The following OR56A3 variants were observed in gnomAD, a reference collection of about 807,000 sequenced individuals.
The protein encoded by OR56A3 is olfactory receptor family 56 subfamily A member 3.
OR56A3 carries 23 observed loss-of-function variants against 17.5 expected under a neutral mutation model. That is an observed-to-expected ratio of 1.32 (90% CI 0.95 to 1.87). OR56A3 has a LOEUF of 1.87. OR56A3 is among the 40% of genes most tolerant of loss of function. The pLI, the probability that OR56A3 is intolerant of heterozygous loss-of-function variation, is 0.00. For synonymous variants in OR56A3, 175 were observed against 150.6 expected, an observed-to-expected ratio of 1.16 and a Z score of -1.19; for missense variants, 366 against 380.1, an observed-to-expected ratio of 0.96 and a Z score of 0.31.
rs147718506 is a variant in OR56A3, at chr11:5,950,342, G to A, written c.*2048G>A. 2.6e-4 allele frequency: 40 copies of A among 152,188 alleles called. 1 individual carries two copies. The highest frequency in any genetic ancestry group is 9.6e-4 in the African/African-American group (40 of 41,544). 9.4% of individuals were successfully genotyped at this position (152,188 alleles called of 1,614,324 possible). Reference sequence around the variant, plus strand: ...CTGAGATTAAGAAAATTTTCCATAAGTCTTGTCTTCCCAAAGAACATGGTA... The same window carrying A: ...CTGAGATTAAGAAAATTTTCCATAAATCTTGTCTTCCCAAAGAACATGGTA... On this transcript the variant is annotated 3_prime_UTR_variant, in exon 3 of 3. Transcript: ENST00000641160.
chr11:5,977,630 T>C, the OR56A3 span, among the ~76,000 whole-genome samples: 1 of 152,228 alleles, frequency 6.6e-6, no homozygotes. Context: ...GTCAGATGCA[T>C]AGTTTGCAAA....
At chr11:6,001,967 C>T in the OR56A3 span, 2 of 1,387,120 alleles carry the variant, frequency 1.4e-6, no homozygotes, top group East Asian at 4.7e-5. Context: ...GTGAAATTTC[C>T]TTTCCAACAT....
the OR56A3 span, chr11:5,986,883 C>T: frequency 6.2e-7 from 1 of 1,613,694 alleles, no homozygotes; most frequent in Non-Finnish European, 8.5e-7. Flanking sequence ...TGCTAAGGAG[C>T]ATTATCAATG....
intron 2 of OR56A3, among the ~76,000 whole-genome samples, chr11:5,946,188 A>G (rs1291126560): frequency 2.0e-5 from 3 of 152,212 alleles, no homozygotes; most frequent in Non-Finnish European, 4.4e-5. Flanking sequence ...CCCTATTTAT[A>G]ATGATATTTT....
At chr11:5,985,234 C>T in the OR56A3 span, among the ~76,000 whole-genome samples, 12 of 152,176 alleles carry the variant, frequency 7.9e-5, no homozygotes, top group East Asian at 5.8e-4. Context: ...CAAACATATA[C>T]GCAGTACTTG....
the OR56A3 span, among the ~76,000 whole-genome samples, chr11:6,005,394 C>G: frequency 6.6e-6 from 1 of 152,126 alleles, no homozygotes; most frequent in Admixed American, 6.5e-5. Flanking sequence ...TACTGCATCC[C>G]AAGTTCTTTG....
At chr11:5,981,232 C>T in the OR56A3 span, among the ~76,000 whole-genome samples, 1 of 152,196 alleles carries the variant, frequency 6.6e-6, no homozygotes, top group African/African-American at 2.4e-5. Flanking sequence ...GGGAAAATTT[C>T]ATGGAGAATA....
chr11:5,994,447 G>T, the OR56A3 span: 1 of 737,014 alleles, frequency 1.4e-6, no homozygotes, highest in Non-Finnish European at 2.5e-6. Context: ...CCTGAGATTT[G>T]GGGGCATCTG....
chr11:6,004,185 C>T, the OR56A3 span, among the ~76,000 whole-genome samples: 2 of 152,084 alleles, frequency 1.3e-5, no homozygotes, highest in African/African-American at 4.8e-5. Flanking sequence ...AACCTCGTCT[C>T]TATTAAAAAT....
At chr11:5,981,642 T>C in the OR56A3 span, among the ~76,000 whole-genome samples, 1 of 152,238 alleles carries the variant, frequency 6.6e-6, no homozygotes, top group Admixed American at 6.5e-5. Flanking sequence ...GCCATCCAGA[T>C]TCTAAATTCT....
At chr11:5,968,200 C>T in the OR56A3 span, 1 of 1,614,170 alleles carries the variant, frequency 6.2e-7, no homozygotes, top group Non-Finnish European at 8.5e-7. Context: ...AGGAAGCAGG[C>T]AGGGAAGCTG....
the OR56A3 span, among the ~76,000 whole-genome samples, chr11:6,018,662 T>C: frequency 6.6e-6 from 1 of 151,610 alleles, no homozygotes; most frequent in African/African-American, 2.4e-5. Flanking sequence ...ACATGCAAAA[T>C]CCAAAATTTG....
rs922340724 is a variant in OR56A3, at chr11:5,948,798, T to A, written c.*504T>A. 6.4e-6 allele frequency: 1 copy of A among 155,484 alleles called. No homozygotes were observed. The highest frequency in any genetic ancestry group is 6.2e-5 in the Admixed American group (1 of 16,016). The allele number at this position is 155,484 out of a possible 1,614,324, so 9.6% of individuals were successfully genotyped here. A position where few individuals can be genotyped will look rare whatever the true frequency, so the allele number is the denominator to read the frequency against. On this transcript the variant is annotated 3_prime_UTR_variant, in exon 3 of 3. Coordinates refer to ENST00000641160, the MANE Select transcript of OR56A3 (RefSeq NM_001003443.3). ...CTTTTTCTCTCACCCTTCAACCACA[T>A]CATTGCCTTTCTCTAGTTCTCTTTC...
chr11:6,001,328 A>G, the OR56A3 span: 1 of 152,270 alleles, frequency 6.6e-6, no homozygotes, highest in Admixed American at 6.5e-5. Flanking sequence ...AGCACTTCAA[A>G]CAGTACAACT....
At chr11:6,021,475 C>G in the OR56A3 span, 3 of 152,014 alleles carry the variant, frequency 2.0e-5, no homozygotes, top group East Asian at 3.9e-4. Flanking sequence ...GCTCACTACA[C>G]GTTGTATGTA....
the OR56A3 span, among the ~76,000 whole-genome samples, chr11:6,008,837 C>T: frequency 2.0e-5 from 3 of 151,926 alleles, 1 homozygote; most frequent in South Asian, 6.2e-4. Context: ...ATTGTATTAT[C>T]CTGTATTTAT....
At chr11:5,966,599 A>T in the OR56A3 span, among the ~76,000 whole-genome samples, 1 of 152,252 alleles carries the variant, frequency 6.6e-6, no homozygotes, top group East Asian at 1.9e-4. Flanking sequence ...TCAGAGCATG[A>T]TCAGGATAAA....
the OR56A3 span, among the ~76,000 whole-genome samples, chr11:5,963,460 G>A: frequency 1.3e-5 from 2 of 151,416 alleles, no homozygotes; most frequent in Admixed American, 1.3e-4. Flanking sequence ...TTCCTGGTTG[G>A]CAGATTTTTT....
the OR56A3 span, chr11:5,985,890 C>A: frequency 6.6e-7 from 1 of 1,507,184 alleles, no homozygotes; most frequent in Admixed American, 2.1e-5. Context: ...AGGCTCCTGG[C>A]TGTGGTCCGC....
Sources: gnomAD v4.1 joint callset for allele counts (sites outside exome capture counted in the v4.1 genomes callset) on GRCh38, gnomAD v4.1.1 for gene constraint, MANE v1.5 for transcripts, NCBI Gene and HGNC (gene_info 2026-07-23, HGNC 2026-07-21) for gene names.